HECW2: variants seen among roughly 807,000 people sequenced by gnomAD.
The protein encoded by HECW2 is E3 ubiquitin-protein ligase HECW2.
HECW2 carries 61 observed loss-of-function variants against 175.2 expected under a neutral mutation model. The observed-to-expected ratio is 0.35, with a 90% CI of 0.28 to 0.43. The LOEUF (loss-of-function observed/expected upper bound fraction) is 0.43, where lower values mean the gene tolerates loss of function less well. Among genes scored for constraint, HECW2 ranks in the 20% least tolerant of loss-of-function variants. HECW2 has a pLI of 1.00. For missense variants in HECW2, 1,524 were observed against 2,000.5 expected, an observed-to-expected ratio of 0.76 and a Z score of 4.54; for synonymous variants, 671 against 731.0, an observed-to-expected ratio of 0.92 and a Z score of 1.32.
At chr2:196,310,249 C>T (rs1340760485) in intron 10 of HECW2, among the ~76,000 whole-genome samples, 1 of 152,144 alleles carries the variant, frequency 6.6e-6, no homozygotes, top group African/African-American at 2.4e-5. Flanking sequence ...CAAAAATTTG[C>T]TTTCTAAGGT....
rs1694075258 is a variant in HECW2 at position 196,377,190 on chromosome 2, T to C, written c.293-33426A>G. ...CAGTGATAAAATAATGAGTAAATTC[T>C]GAGAATCCCGAAGAGAGAGTCTCAA... On this transcript the variant is annotated intron_variant, in intron 2 of 28. Transcript: ENST00000644978. Among the ~76,000 whole-genome samples, 3 of 152,320 alleles carry C rather than the reference T, an allele frequency of 2.0e-5. No individual in the cohort carries two copies. The South Asian group carries it at 6.2e-4, about 32-fold the overall frequency.
intron 7 of HECW2, 67 bp downstream of exon 7, chr2:196,322,411 A>C: frequency 7.2e-7 from 1 of 1,388,328 alleles, no homozygotes; most frequent in Non-Finnish European, 9.9e-7. Context: ...AGGACTACCA[A>C]GTTTCATGTC....
intron 26 of HECW2, chr2:196,218,093 T>C (rs898364793): frequency 1.3e-5 from 2 of 152,268 alleles, no homozygotes; most frequent in African/African-American, 4.8e-5. Flanking sequence ...GCCCAGAGTT[T>C]GGTGAAGACT....
intron 1 of HECW2, among the ~76,000 whole-genome samples, chr2:196,442,314 T>A (rs1195242199): frequency 1.3e-5 from 2 of 152,214 alleles, no homozygotes; most frequent in East Asian, 3.9e-4. Flanking sequence ...CACTAAAACA[T>A]CAACATTGAA....
intron 3 of HECW2, among the ~76,000 whole-genome samples, chr2:196,340,711 G>A (rs1218685944): frequency 6.6e-6 from 1 of 151,710 alleles, no homozygotes; most frequent in Non-Finnish European, 1.5e-5. Flanking sequence ...GAGTGTTTTG[G>A]TGGGGCAAGG....
intron 2 of HECW2, among the ~76,000 whole-genome samples, chr2:196,392,959 A>G (rs1247036521): frequency 6.6e-6 from 1 of 152,244 alleles, no homozygotes; most frequent in African/African-American, 2.4e-5. Flanking sequence ...AAACAGAGAT[A>G]CAGACCAATG....
chr2:196,218,599 G>C (rs768426211), intron 26 of HECW2, among the ~76,000 whole-genome samples: 3 of 152,052 alleles, frequency 2.0e-5, no homozygotes, highest in Non-Finnish European at 4.4e-5. Context: ...GATCGCTTGA[G>C]GCCAGGAATT....
chr2:196,494,553 G>C (rs1442483365), intron 1 of HECW2, among the ~76,000 whole-genome samples: 1 of 152,188 alleles, frequency 6.6e-6, no homozygotes, highest in Non-Finnish European at 1.5e-5. Flanking sequence ...GATTCCTCCA[G>C]CCAACTGGGT....
chr2:196,544,961 T>G (rs1472781007), intron 1 of HECW2, among the ~76,000 whole-genome samples: 2 of 152,192 alleles, frequency 1.3e-5, no homozygotes, highest in African/African-American at 4.8e-5. Flanking sequence ...ACATTCTGAG[T>G]AGACCCCTCT....
intron 1 of HECW2, among the ~76,000 whole-genome samples, chr2:196,538,372 AC>A (rs1431074279): frequency 6.6e-6 from 1 of 152,196 alleles, no homozygotes; most frequent in Non-Finnish European, 1.5e-5. Context: ...ACTTTGGCAA[AC>A]ACTGAACTGC....
At chr2:196,295,411 T>C (rs1306303629) in intron 13 of HECW2, among the ~76,000 whole-genome samples, 3 of 152,208 alleles carry the variant, frequency 2.0e-5, no homozygotes, top group Admixed American at 2.0e-4. Flanking sequence ...GTTGCTGATA[T>C]ATTTTCACAT....
intron 1 of HECW2, among the ~76,000 whole-genome samples, chr2:196,450,758 G>A (rs1696323963): frequency 6.6e-6 from 1 of 152,086 alleles, no homozygotes; most frequent in Non-Finnish European, 1.5e-5. Flanking sequence ...TGGGATTACA[G>A]ATGTGAGCCA....
intron 1 of HECW2, among the ~76,000 whole-genome samples, chr2:196,572,747 A>T (rs565369360): frequency 2.6e-5 from 4 of 152,142 alleles, no homozygotes; most frequent in Non-Finnish European, 5.9e-5. Context: ...TAGTATCCTT[A>T]TAAGAAGTGG....
intron 1 of HECW2, among the ~76,000 whole-genome samples, chr2:196,522,720 A>G (rs899938729): frequency 9.3e-5 from 14 of 149,790 alleles, no homozygotes; most frequent in African/African-American, 3.4e-4. Context: ...TCCCAGCACC[A>G]TTTATTAAAT....
chr2:196,234,198 G>A lies in HECW2; in HGVS notation c.3765-5944C>T, dbSNP rs1427401509. On this transcript the variant is annotated intron_variant, in intron 21 of 28. Transcript: ENST00000644978. ...CACAGTGTAAACCTCCTCTCTTTACGCAGGCCACTATTTCTTTAATGTTTT... is the reference window on the plus strand; with the variant it reads ...CACAGTGTAAACCTCCTCTCTTTACACAGGCCACTATTTCTTTAATGTTTT... Among the ~76,000 whole-genome samples the A allele has an allele frequency of 2.0e-5, 3 of 152,114 alleles. No individual in the cohort carries two copies. The South Asian group carries it at 6.2e-4, about 32-fold the overall frequency.
intron 22 of HECW2, among the ~76,000 whole-genome samples, chr2:196,227,356 A>G (rs1687888634): frequency 6.6e-6 from 1 of 152,216 alleles, no homozygotes; most frequent in Non-Finnish European, 1.5e-5. Flanking sequence ...AAATGCAGAG[A>G]TTTAAAAAAG....
chr2:196,350,214 A>T (rs558448366), intron 2 of HECW2, among the ~76,000 whole-genome samples: 90 of 152,176 alleles, frequency 5.9e-4, no homozygotes, highest in Middle Eastern at 3.4e-3. Context: ...AAATACAAAA[A>T]ATTAGCTGGG....
intron 1 of HECW2, among the ~76,000 whole-genome samples, chr2:196,478,092 C>CA (rs1015270045): frequency 6.0e-5 from 9 of 151,114 alleles, no homozygotes; most frequent in East Asian, 1.9e-4. Context: ...CAAAAACAAA[C>CA]AAAAAAAAAC....
chr2:196,563,622 A>G (rs1306966002), intron 1 of HECW2, among the ~76,000 whole-genome samples: 1 of 152,176 alleles, frequency 6.6e-6, no homozygotes, highest in Non-Finnish European at 1.5e-5. Flanking sequence ...AAAGTGCTCA[A>G]AGACTACAGG....
Sources: allele counts gnomAD v4.1 joint callset (sites outside exome capture counted in the v4.1 genomes callset), GRCh38; gene constraint gnomAD v4.1.1; transcripts MANE v1.5; gene names NCBI Gene and HGNC (gene_info 2026-07-23, HGNC 2026-07-21).